Variants in DUSP7 observed in about 807,000 individuals in gnomAD.
DUSP7 encodes the protein dual specificity protein phosphatase 7.
In DUSP7, 7 loss-of-function variants were observed where a neutral mutation model predicts 29.8. The observed-to-expected ratio is 0.24, with a 90% confidence interval of 0.13 to 0.44. The LOEUF is 0.44. Ranked by LOEUF, DUSP7 falls within the 20% of genes least tolerant of loss-of-function variation. The pLI is 1.00. For missense variants in DUSP7, 400 were observed against 583.7 expected (o/e 0.69, Z 3.24); for synonymous variants, 287 against 275.4 (o/e 1.04, Z -0.42).
chr3:52,051,022 G>A lies in DUSP7; in HGVS notation c.1053C>T (p.Asn351=). 1 of 1,614,252 alleles carries A rather than the reference G, an allele frequency of 6.2e-7. No individual in the cohort carries two copies. The highest frequency in any genetic ancestry group is 1.7e-5 in the Admixed American group (1 of 60,032). ...AGTCGTAGGCGTCGTTGAGTGACAG[G>A]TTCATCTTCTGCATCAGATAGGCCA... ...VTVAYLMQKM[N]LSLNDAYDFV... The change falls in exon 3 of 3, where the codon AAC becomes AAT. Residue 351 remains asparagine (N), a synonymous_variant. Transcript: ENST00000495880. This position sits in a 1 kb window ranked among gnomAD's most constrained non-coding sequence, Gnocchi z 4.8.
rs1236015625 is a variant in DUSP7 at position 52,053,548 on chromosome 3, AC to A, written c.952+391del. On this transcript the variant is annotated intron_variant, in intron 2 of 2. Coordinates refer to ENST00000495880, the MANE Select transcript of DUSP7 (RefSeq NM_001947.4). The surrounding 1 kb of genome is among the most constrained non-coding windows in gnomAD (Gnocchi z 4.6). ...TAAAGCCCAAAGAGGCACTATGACA[AC>A]CCCATCCTGGAGAGACACGTGTGCT... 19 of 247,254 alleles carry A rather than the reference AC, an allele frequency of 7.7e-5. No homozygotes were observed. The Middle Eastern group carries it at 4.6e-3, about 60-fold the overall frequency. 15.3% of individuals were successfully genotyped at this position (247,254 alleles called of 1,614,324 possible). A position where few individuals can be genotyped will look rare whatever the true frequency, so the allele number is the denominator to read the frequency against.
In DUSP7 at chr3:52,056,206, C is replaced by A; in HGVS notation, c.161G>T (p.Cys54Phe). Residue 54 changes from cysteine to phenylalanine, a missense_variant, in exon 1 of 3, where the codon TGC becomes TTC. Cys to Phe is a radical substitution (Grantham distance 205, BLOSUM62 -2). Around this residue, in one of 4 missense-constraint regions of DUSP7, gnomAD observed 96 missense variants for 97.1 expected, o/e 0.99. Coordinates refer to ENST00000495880, the MANE Select transcript of DUSP7 (RefSeq NM_001947.4). The surrounding 1 kb of genome is among the most constrained non-coding windows in gnomAD (Gnocchi z 6.4). ...CTCCTGCAGCCACTCGGCGCTCTTG[C>A]AGGGCATGGCCCCTGCCCCCGTCGC... The part of the protein sequence containing the change: ...GAATGAGAMP[C>F]KSAEWLQEEL... 1 of 1,533,054 alleles carries A rather than the reference C, an allele frequency of 6.5e-7. No individual in the cohort carries two copies. Among genetic ancestry groups the A allele is most frequent in the Non-Finnish European group, 8.7e-7 (1 of 1,145,990 alleles). 95.0% of individuals were successfully genotyped at this position (1,533,054 alleles called of 1,614,324 possible). A position where few individuals can be genotyped will look rare whatever the true frequency, so the allele number is the denominator to read the frequency against.
intron 2 of DUSP7, chr3:52,052,776 A>C (rs1194762066): frequency 1.3e-5 from 2 of 152,262 alleles, no homozygotes; most frequent in Non-Finnish European, 2.9e-5. Context: ...CCCACTAGCC[A>C]GGCCCAGCCT....
rs534175599 is a variant in DUSP7 at position 52,056,487 on chromosome 3, C to CCCCGGCCTCCCGGCCTCCCGGCCT, written c.-145_-122dup. On this transcript the variant is annotated 5_prime_UTR_variant, in exon 1 of 3. Coordinates refer to ENST00000495880, the MANE Select transcript of DUSP7 (RefSeq NM_001947.4). The surrounding 1 kb of genome is among the most constrained non-coding windows in gnomAD (Gnocchi z 6.4). ...CTCCCGCCGAGCTGCGCGCCCGCCG[C>CCCCGGCCTCCCGGCCTCCCGGCCT]CCCGGCCTCCCGGCCTCCCGGCCTC... 1.5e-5 allele frequency: 6 copies of CCCCGGCCTCCCGGCCTCCCGGCCT among 411,806 alleles called. No homozygotes were observed. The Admixed American group carries it at 4.0e-4, about 27-fold the overall frequency. The allele number at this position is 411,806 out of a possible 1,614,324, so 25.5% of individuals were successfully genotyped here.
At position 52,053,604 on chromosome 3, in the gene DUSP7, T is replaced by G; in HGVS notation, c.952+336A>C. 1 of 346,024 alleles carries G rather than the reference T, an allele frequency of 2.9e-6. No homozygotes were observed. The highest frequency in any genetic ancestry group is 3.0e-5 in the South Asian group (1 of 33,526). The allele number at this position is 346,024 out of a possible 1,614,324, so 21.4% of individuals were successfully genotyped here. A position where few individuals can be genotyped will look rare whatever the true frequency, so the allele number is the denominator to read the frequency against. ...CGTGATGCGGAGCAAGTGAGACCCGTGGGAGGTCTGTGCGCTGTGATGTTT... is the reference window on the plus strand; with the variant it reads ...CGTGATGCGGAGCAAGTGAGACCCGGGGGAGGTCTGTGCGCTGTGATGTTT... On this transcript the variant is annotated intron_variant, in intron 2 of 2. Transcript: ENST00000495880. This position sits in a 1 kb window ranked among gnomAD's most constrained non-coding sequence, Gnocchi z 4.6.
Position 52,054,296 on chromosome 3 carries a change from G to T in DUSP7, c.596C>A (p.Ser199Ter). 1 of 1,592,430 alleles carries T rather than the reference G, an allele frequency of 6.3e-7. No individual in the cohort carries two copies. The highest frequency in any genetic ancestry group is 8.6e-7 in the Non-Finnish European group (1 of 1,167,930). The change falls in exon 2 of 3, where the codon TCG becomes TAG. Residue 199 changes from serine (S) to a stop codon, truncating the protein, a stop_gained. Coordinates refer to ENST00000495880, the MANE Select transcript of DUSP7 (RefSeq NM_001947.4). LOFTEE classifies it high-confidence loss of function. The surrounding 1 kb of genome is among the most constrained non-coding windows in gnomAD (Gnocchi z 4.1). ...NVDSSSSPSS[S>*]PPTSVLGLGG... ...CAGGCCCAGCACTGAGGTGGGTGGC[G>T]AGCTGCTCGGCGAGGAAGAGCTGTC...
rs1281027010 is a variant in DUSP7 at position 52,055,916 on chromosome 3, C to T, written c.451G>A (p.Ala151Thr). Residue 151 changes from alanine (A) to threonine (T), a missense_variant, in exon 1 of 3, where the codon GCC becomes ACC. Ala to Thr is a moderately conservative substitution (Grantham distance 58). Transcript: ENST00000495880. ...AEWQPEPGAP[A>T]SVLGLLLQKL... ...TGTAGGAGCAGGCCGAGCACGGAGG[C>T]GGGAGCGCCGGGCTCGGGCTGCCAC... is the stretch of plus-strand genomic sequence containing the variant. The T allele has an allele frequency of 1.9e-6, 3 of 1,545,818 alleles. No individual in the cohort carries two copies. The highest frequency in any genetic ancestry group is 1.9e-5 in the Admixed American group (1 of 51,602).
At position 52,053,301 on chromosome 3, in the gene DUSP7, C is replaced by G. The variant is rs1411870826; in HGVS notation, c.952+639G>C. 1 of 154,928 alleles carries G rather than the reference C, an allele frequency of 6.5e-6. No individual in the cohort carries two copies. Among genetic ancestry groups the G allele is most frequent in the East Asian group, 1.9e-4 (1 of 5,208 alleles). The allele number at this position is 154,928 out of a possible 1,614,324, so 9.6% of individuals were successfully genotyped here. ...TGCTGAGGCTGGGGATACAGGGACT[C>G]GAAGGGCACTAAGCCAGACAGCAGG... is the stretch of plus-strand genomic sequence containing the variant. On this transcript the variant is annotated intron_variant, in intron 2 of 2. Coordinates refer to ENST00000495880, the MANE Select transcript of DUSP7 (RefSeq NM_001947.4). The surrounding 1 kb of genome is among the most constrained non-coding windows in gnomAD (Gnocchi z 4.6).
rs755969313 is a variant in DUSP7, at chr3:52,056,226, C to G, written c.141G>C (p.Thr47=). The change falls in exon 1 of 3, where the codon ACG becomes ACC. Residue 47 remains threonine (T), a synonymous_variant. Coordinates refer to ENST00000495880, the MANE Select transcript of DUSP7 (RefSeq NM_001947.4). The surrounding 1 kb of genome is among the most constrained non-coding windows in gnomAD (Gnocchi z 6.4). ...TCTTGCAGGGCATGGCCCCTGCCCC[C>G]GTCGCCGCGCCCGCCCCGGTGCCTG... ...SGAGTGAGAA[T]GAGAMPCKSA... The G allele has an allele frequency of 1.7e-5, 24 of 1,416,474 alleles. No individual in the cohort carries two copies. The highest frequency in any genetic ancestry group is 2.2e-5 in the Non-Finnish European group (24 of 1,090,198). The allele number at this position is 1,416,474 out of a possible 1,614,324, so 87.7% of individuals were successfully genotyped here.
Position 52,054,998 on chromosome 3 carries a change from C to T in DUSP7, c.518-624G>A, listed in dbSNP as rs1161589439. Among the ~76,000 whole-genome samples the T allele has an allele frequency of 3.9e-5, 6 of 152,170 alleles. No homozygotes were observed. Among genetic ancestry groups the T allele is most frequent in the South Asian group, 2.1e-4 (1 of 4,828 alleles). ...TTTGAAGGGGGTCCTGGCTCCACTTCTCTAGAACCCTCCCTTAGAACACAA... is the reference window on the plus strand; with the variant it reads ...TTTGAAGGGGGTCCTGGCTCCACTTTTCTAGAACCCTCCCTTAGAACACAA... On this transcript the variant is annotated intron_variant, in intron 1 of 2. Transcript: ENST00000495880. The surrounding 1 kb of genome is among the most constrained non-coding windows in gnomAD (Gnocchi z 4.1).
Position 52,048,999 on chromosome 3 carries a change from T to C in DUSP7, c.*1816A>G, listed in dbSNP as rs1253690944. On this transcript the variant is annotated 3_prime_UTR_variant, in exon 3 of 3. Transcript: ENST00000495880. ...CGGGATATATATATATATGTATGTG[T>C]GTGTATATATATACGTAGGGTCACA... 2.0e-5 allele frequency: 3 copies of C among 152,360 alleles called. No homozygotes were observed. The East Asian group carries it at 5.8e-4, about 29-fold the overall frequency. The allele number at this position is 152,360 out of a possible 1,614,324, so 9.4% of individuals were successfully genotyped here.
Position 52,056,379 on chromosome 3 carries a change from C to A in DUSP7, c.-13G>T. 1 of 1,083,536 alleles carries A rather than the reference C, an allele frequency of 9.2e-7. No homozygotes were observed. Among genetic ancestry groups the A allele is most frequent in the Non-Finnish European group, 1.1e-6 (1 of 895,040 alleles). The allele number at this position is 1,083,536 out of a possible 1,614,324, so 67.1% of individuals were successfully genotyped here. On this transcript the variant is annotated 5_prime_UTR_variant, in exon 1 of 3. Coordinates refer to ENST00000495880, the MANE Select transcript of DUSP7 (RefSeq NM_001947.4). The surrounding 1 kb of genome is among the most constrained non-coding windows in gnomAD (Gnocchi z 6.4). ...GCTGGTTTTTCATGGGGAGCGCGGG[C>A]GGCCCGGGGCCGGGGCCGGGCAGCC... is the stretch of plus-strand genomic sequence containing the variant.
At position 52,051,161 on chromosome 3, in the gene DUSP7, C is replaced by G. The variant is rs1290910240; in HGVS notation, c.953-39G>C. The G allele has an allele frequency of 3.2e-6, 5 of 1,568,078 alleles. No homozygotes were observed. The highest frequency in any genetic ancestry group is 4.3e-6 in the Non-Finnish European group (5 of 1,159,290). On this transcript the variant is annotated intron_variant, in intron 2 of 2. Transcript: ENST00000495880. The surrounding 1 kb of genome is among the most constrained non-coding windows in gnomAD (Gnocchi z 4.8). ...GCATGGGTCAGGGAGGTGCCTCCTT[C>G]AAGGAGCCTTCCCACATGGGTGGGC...
Position 52,054,663 on chromosome 3 carries a change from G to C in DUSP7, c.518-289C>G, listed in dbSNP as rs1315110136. Among the ~76,000 whole-genome samples the C allele has an allele frequency of 6.6e-6, 1 of 152,212 alleles. No individual in the cohort carries two copies. The highest frequency in any genetic ancestry group is 2.4e-5 in the African/African-American group (1 of 41,444). Reference sequence around the variant, plus strand: ...GCCCCCAGCCATGGCACCAGCTTTAGGGCACTTGAGGACAGGCCCCAGCTA... The same window carrying C: ...GCCCCCAGCCATGGCACCAGCTTTACGGCACTTGAGGACAGGCCCCAGCTA... On this transcript the variant is annotated intron_variant, in intron 1 of 2. Transcript: ENST00000495880. This position sits in a 1 kb window ranked among gnomAD's most constrained non-coding sequence, Gnocchi z 4.1.
chr3:52,052,321 C>G (rs1270337155), intron 2 of DUSP7: 1 of 152,338 alleles, frequency 6.6e-6, no homozygotes, highest in Non-Finnish European at 1.5e-5. Context: ...TGCCTTTGTC[C>G]TGACAGAGCT....
rs1445799317 is a variant in DUSP7 at position 52,056,017 on chromosome 3, T to C, written c.350A>G (p.Asn117Ser). ...GNLPIRSIIP[N>S]HADKERFATR... is the part of the protein sequence containing the mutation. ...GGCGAAGCGCTCCTTGTCGGCGTGG[T>C]TGGGGATGATGGAGCGGATGGGCAG... The change falls in exon 1 of 3, where the codon AAC becomes AGC. Residue 117 changes from asparagine to serine, a missense_variant. Around this residue, in one of 4 missense-constraint regions of DUSP7, gnomAD observed 223 missense variants for 360.9 expected, o/e 0.62. Transcript: ENST00000495880. This position sits in a 1 kb window ranked among gnomAD's most constrained non-coding sequence, Gnocchi z 6.4. 2.5e-6 allele frequency: 4 copies of C among 1,592,104 alleles called. No homozygotes were observed. The highest frequency in any genetic ancestry group is 1.8e-5 in the Admixed American group (1 of 56,708).
chr3:52,049,661 C>T lies in DUSP7; in HGVS notation c.*1154G>A, dbSNP rs910357550. ...GGCTGGGCCCCACCACCTAATGTCT[C>T]CCCAGCCACTGGGCCTCCACTCCCA... On this transcript the variant is annotated 3_prime_UTR_variant, in exon 3 of 3. Coordinates refer to ENST00000495880, the MANE Select transcript of DUSP7 (RefSeq NM_001947.4). The T allele has an allele frequency of 3.3e-5, 5 of 151,994 alleles. No homozygotes were observed. The highest frequency in any genetic ancestry group is 1.2e-4 in the African/African-American group (5 of 41,332). The allele number at this position is 151,994 out of a possible 1,614,324, so 9.4% of individuals were successfully genotyped here.
chr3:52,051,447 T>C lies in DUSP7; in HGVS notation c.953-325A>G, dbSNP rs1701846125. ...TGAGGGGTCAACAAACATGAACTAC[T>C]GTAATGCCTGTGATCATGGCTAGTC... On this transcript the variant is annotated intron_variant, in intron 2 of 2. Transcript: ENST00000495880. This position sits in a 1 kb window ranked among gnomAD's most constrained non-coding sequence, Gnocchi z 4.8. Among the ~76,000 whole-genome samples, 1 of 152,238 alleles carries C rather than the reference T, an allele frequency of 6.6e-6. No individual in the cohort carries two copies. The highest frequency in any genetic ancestry group is 2.1e-4 in the South Asian group (1 of 4,834).
chr3:52,055,591 G>GA (rs1016016233), intron 1 of DUSP7, among the ~76,000 whole-genome samples: 39 of 151,942 alleles, frequency 2.6e-4, no homozygotes, highest in African/African-American at 8.2e-4. Context: ...CCATCAACAG[G>GA]AAAAAAAAGG....
Sources: allele counts gnomAD v4.1 joint callset (sites outside exome capture counted in the v4.1 genomes callset), GRCh38; gene constraint gnomAD v4.1.1; regional missense constraint gnomAD v4.1.1; non-coding constraint Gnocchi (gnomAD v3.1); transcripts MANE v1.5; gene names NCBI Gene and HGNC (gene_info 2026-07-23, HGNC 2026-07-21).